Variants in ARHGAP26 observed in about 807,000 individuals in gnomAD.
ARHGAP26 encodes the protein rho GTPase-activating protein 26.
In ARHGAP26, 38 loss-of-function variants were observed where a neutral mutation model predicts 104.8. That is an observed-to-expected ratio of 0.36 (90% CI 0.28 to 0.48). The LOEUF is 0.48. Ranked by LOEUF, ARHGAP26 falls within the 20% of genes least tolerant of loss-of-function variation. The probability of loss-of-function intolerance (pLI) is 0.99; values close to 1 mark genes in which losing one functional copy is unlikely to be tolerated. For synonymous variants in ARHGAP26, 341 were observed against 340.0 expected, an observed-to-expected ratio of 1.00 and a Z score of -0.03; for missense variants, 704 against 947.9, an observed-to-expected ratio of 0.74 and a Z score of 3.38.
intron 1 of ARHGAP26, among the ~76,000 whole-genome samples, chr5:142,836,201 A>G (rs967106216): frequency 1.3e-5 from 2 of 152,176 alleles, no homozygotes; most frequent in Non-Finnish European, 2.9e-5. Context: ...TGGTGATGCC[A>G]AGTTGCTGCT....
At position 143,076,382 on chromosome 5, in the gene ARHGAP26, A is replaced by G. The variant is rs965375434; in HGVS notation, c.1538+18635A>G. 2.6e-5 allele frequency among the ~76,000 whole-genome samples: 4 copies of G among 152,168 alleles called. No individual in the cohort carries two copies. In the East Asian group the frequency reaches 5.8e-4, roughly 22 times the overall value. On this transcript the variant is annotated intron_variant, in intron 17 of 22. Coordinates refer to ENST00000645722, the MANE Select transcript of ARHGAP26 (RefSeq NM_001135608.3). The stretch of plus-strand genomic sequence containing the variant: ...AATGTAAAGGAATCCTGATTGTCCA[A>G]AATGTGCACAGTCTCCCTCTTCTCC...
chr5:142,949,184 A>AGAGAGAGAGAGAGAGAGAGAGAG (rs1767718626), intron 11 of ARHGAP26, among the ~76,000 whole-genome samples: 1 of 23,448 alleles, frequency 4.3e-5, no homozygotes, highest in South Asian at 2.6e-3. Flanking sequence ...AGAGAGAGAG[A>AGAGAGAGAGAGAGAGAGAGAGAG]GAGAGAGAGA....
At chr5:142,788,810 A>G (rs542604008) in intron 1 of ARHGAP26, among the ~76,000 whole-genome samples, 3 of 152,376 alleles carry the variant, frequency 2.0e-5, no homozygotes, top group Non-Finnish European at 2.9e-5. Context: ...TGCCCCACAG[A>G]TACTAAGGGA....
At chr5:142,807,996 G>T (rs1160639441) in intron 1 of ARHGAP26, among the ~76,000 whole-genome samples, 1 of 152,034 alleles carries the variant, frequency 6.6e-6, no homozygotes, top group Non-Finnish European at 1.5e-5. Flanking sequence ...AGCACTTTGG[G>T]AGGCCGAGGC....
intron 11 of ARHGAP26, among the ~76,000 whole-genome samples, chr5:142,941,506 A>T (rs1766348524): frequency 6.6e-6 from 1 of 152,124 alleles, no homozygotes; most frequent in Admixed American, 6.6e-5. Flanking sequence ...TATGCTTCAT[A>T]TTATTTTGTT....
intron 20 of ARHGAP26, among the ~76,000 whole-genome samples, chr5:143,198,108 A>T (rs967253868): frequency 1.4e-4 from 22 of 152,240 alleles, no homozygotes; most frequent in African/African-American, 5.3e-4. Context: ...GATTGGATGT[A>T]GTAGCACTAT....
chr5:143,053,876 A>G (rs1043802332), intron 14 of ARHGAP26, among the ~76,000 whole-genome samples: 13 of 152,306 alleles, frequency 8.5e-5, no homozygotes, highest in African/African-American at 2.9e-4. Context: ...TTTATTTGAC[A>G]TTATATAATG....
intron 14 of ARHGAP26, among the ~76,000 whole-genome samples, chr5:143,048,759 C>T (rs1439405758): frequency 6.6e-6 from 1 of 150,988 alleles, no homozygotes; most frequent in Non-Finnish European, 1.5e-5. Context: ...ACTAAAAATA[C>T]AAAAATTAGC....
rs10045402 is a variant in ARHGAP26, at chr5:142,815,260, C to T, written c.154+44345C>T. On this transcript the variant is annotated intron_variant, in intron 1 of 22. Transcript: ENST00000645722. Reference sequence around the variant, plus strand: ...TTCACCATGTTGGCCAGGCTGGTCTCAAACTCCTGACCTTAGGTGATCTGC... The same window carrying T: ...TTCACCATGTTGGCCAGGCTGGTCTTAAACTCCTGACCTTAGGTGATCTGC... Among the ~76,000 whole-genome samples, 1,457 of 152,328 alleles carry T rather than the reference C, an allele frequency of 9.6e-3. 23 individuals carry two copies. The highest frequency in any genetic ancestry group is 0.034 in the African/African-American group (1,400 of 41,576).
In ARHGAP26 at chr5:142,814,297, A is replaced by G. The variant is rs147371276; in HGVS notation, c.154+43382A>G. ...GCAACTTCCCTGTTCTTCCTGTTAG[A>G]TGTGCTGTAAACAGCGACTGCCTAC... On this transcript the variant is annotated intron_variant, in intron 1 of 22. Coordinates refer to ENST00000645722, the MANE Select transcript of ARHGAP26 (RefSeq NM_001135608.3). Among the ~76,000 whole-genome samples, 756 of 152,342 alleles carry G rather than the reference A, an allele frequency of 5.0e-3. 7 individuals carry two copies. The highest frequency in any genetic ancestry group is 9.3e-3 in the Admixed American group (142 of 15,304).
At chr5:143,143,678 A>T (rs912252759) in intron 19 of ARHGAP26, among the ~76,000 whole-genome samples, 1 of 152,164 alleles carries the variant, frequency 6.6e-6, no homozygotes, top group African/African-American at 2.4e-5. Context: ...TTTAATATTT[A>T]TCTTATAACC....
chr5:142,949,338 T>A (rs193238126), intron 11 of ARHGAP26, among the ~76,000 whole-genome samples: 1 of 135,746 alleles, frequency 7.4e-6, no homozygotes, highest in African/African-American at 2.8e-5. Flanking sequence ...TTCCTCTCTA[T>A]GAACAGGCTC....
intron 1 of ARHGAP26, among the ~76,000 whole-genome samples, chr5:142,825,969 G>A (rs950712715): frequency 2.0e-5 from 3 of 152,164 alleles, no homozygotes; most frequent in African/African-American, 7.2e-5. Flanking sequence ...TCTGGTGGCC[G>A]AGGAGAGATG....
chr5:143,152,581 T>C (rs887397571), intron 20 of ARHGAP26, among the ~76,000 whole-genome samples: 32 of 152,182 alleles, frequency 2.1e-4, no homozygotes, highest in African/African-American at 7.7e-4. Context: ...AAAATGGCCA[T>C]AGAATCTTTG....
chr5:143,048,691 G>A (rs1316034025), intron 14 of ARHGAP26, among the ~76,000 whole-genome samples: 3 of 151,710 alleles, frequency 2.0e-5, no homozygotes, highest in Admixed American at 1.3e-4. Context: ...CGAGGAGGGC[G>A]GATCACAAGG....
intron 11 of ARHGAP26, among the ~76,000 whole-genome samples, chr5:142,977,431 A>G (rs1043559766): frequency 8.5e-5 from 13 of 152,148 alleles, no homozygotes; most frequent in Non-Finnish European, 4.4e-5. Context: ...AAAAAAAACA[A>G]CAGTGGAAGA....
At chr5:143,090,816 T>C (rs1265207750) in intron 17 of ARHGAP26, among the ~76,000 whole-genome samples, 3 of 152,212 alleles carry the variant, frequency 2.0e-5, no homozygotes, top group African/African-American at 2.4e-5. Flanking sequence ...AAGCTTTACA[T>C]TGGGGAGCAA....
At chr5:143,157,625 A>G (rs1486871464) in intron 20 of ARHGAP26, among the ~76,000 whole-genome samples, 3 of 152,172 alleles carry the variant, frequency 2.0e-5, no homozygotes, top group Admixed American at 1.3e-4. Context: ...AGAGCATTCC[A>G]TGGTTTGGGA....
intron 20 of ARHGAP26, among the ~76,000 whole-genome samples, chr5:143,184,359 T>C (rs1214397594): frequency 6.6e-6 from 1 of 152,174 alleles, no homozygotes; most frequent in East Asian, 1.9e-4. Flanking sequence ...TAAAAACATG[T>C]ATAAGGAGCA....
Sources: gnomAD v4.1 joint callset for allele counts (sites outside exome capture counted in the v4.1 genomes callset) on GRCh38, gnomAD v4.1.1 for gene constraint, MANE v1.5 for transcripts, NCBI Gene and HGNC (gene_info 2026-07-23, HGNC 2026-07-21) for gene names.